Variants in SLC8A1 observed in about 807,000 individuals in gnomAD.
SLC8A1 encodes sodium/calcium exchanger 1.
SLC8A1 carries 18 observed loss-of-function variants against 68.3 expected under a neutral mutation model. The ratio of observed to expected loss-of-function variants is 0.26; its 90% CI spans 0.18 to 0.39. SLC8A1 has a LOEUF of 0.39. Ranked by LOEUF, SLC8A1 falls within the 10% of genes least tolerant of loss-of-function variation. SLC8A1 has a pLI of 1.00. For synonymous variants in SLC8A1, 475 were observed against 415.5 expected (o/e 1.14, Z -1.74); for missense variants, 985 against 1,156.7 (o/e 0.85, Z 2.15).
chr2:40,311,231 C>T (rs953648432), intron 2 of SLC8A1, among the ~76,000 whole-genome samples: 1 of 152,040 alleles, frequency 6.6e-6, no homozygotes, highest in Non-Finnish European at 1.5e-5. Context: ...CACTAAAAAA[C>T]ACTTGGTGTT....
rs1697557036 is a variant in SLC8A1 at position 40,428,758 on chromosome 2, C to A, written c.1523G>T (p.Gly508Val). 5 of 1,613,664 alleles carry A rather than the reference C, an allele frequency of 3.1e-6. No individual in the cohort carries two copies. In the South Asian group the frequency reaches 3.3e-5, roughly 11 times the overall value. The change falls in exon 2 of 8, where the codon GGC (glycine) becomes GTC (valine). Residue 508 changes from glycine (G) to valine (V), a missense_variant. Around this residue, in one of 5 missense-constraint regions of SLC8A1, gnomAD observed 584 missense variants for 565.9 expected, o/e 1.03. Transcript: ENST00000406785. ...AGAAACATGATTGGCTTCCAGTATGCCATCTTCTGAAGCTTCAGAAGATAC... is the reference window on the plus strand; with the variant it reads ...AGAAACATGATTGGCTTCCAGTATGACATCTTCTGAAGCTTCAGAAGATAC...
intron 1 of SLC8A1, among the ~76,000 whole-genome samples, chr2:40,484,438 G>C (rs1170296278): frequency 6.6e-6 from 1 of 152,164 alleles, no homozygotes; most frequent in Admixed American, 6.5e-5. Flanking sequence ...CTCTTCTCAG[G>C]GATGCTGTGA....
chr2:40,387,660 A>G (rs2149583769), intron 2 of SLC8A1, among the ~76,000 whole-genome samples: 1 of 151,480 alleles, frequency 6.6e-6, no homozygotes, highest in Middle Eastern at 3.4e-3. Context: ...CTTAAGAATT[A>G]GTTGTGGTGG....
In SLC8A1 at chr2:40,168,060, A is replaced by AT. The variant is rs140251149; in HGVS notation, c.1931-3077dup. Reference sequence around the variant, plus strand: ...TTGCTCAACCCATACAAAACGGATCATTTTTTCATTGAGCACATCTCATTG... The same window carrying AT: ...TTGCTCAACCCATACAAAACGGATCATTTTTTTCATTGAGCACATCTCATTG... On this transcript the variant is annotated intron_variant, in intron 4 of 7. Coordinates refer to ENST00000406785, the Ensembl canonical transcript of SLC8A1. 1.8e-3 allele frequency among the ~76,000 whole-genome samples: 274 copies of AT among 152,136 alleles called. 1 individual carries two copies. The highest frequency in any genetic ancestry group is 6.2e-3 in the African/African-American group (259 of 41,512).
At chr2:40,430,441 G>T (rs1427724026) in intron 1 of SLC8A1, 137 bp from the exon 2 acceptor site, 2 of 811,972 alleles carry the variant, frequency 2.5e-6, no homozygotes, top group Non-Finnish European at 3.7e-6. Flanking sequence ...ACCGAAATTT[G>T]TTTATATTTG....
intron 2 of SLC8A1, among the ~76,000 whole-genome samples, chr2:40,388,445 A>AG (rs1402919382): frequency 6.6e-6 from 1 of 152,152 alleles, no homozygotes; most frequent in Non-Finnish European, 1.5e-5. Context: ...AAAATACTGA[A>AG]GAGCATCTCC....
At chr2:40,434,730 C>A (rs1699059976) in intron 1 of SLC8A1, among the ~76,000 whole-genome samples, 1 of 152,078 alleles carries the variant, frequency 6.6e-6, no homozygotes, top group African/African-American at 2.4e-5. Context: ...ATCAAGAATA[C>A]CCAAATTATC....
intron 2 of SLC8A1, among the ~76,000 whole-genome samples, chr2:40,209,416 G>T (rs1022226704): frequency 6.6e-6 from 1 of 152,152 alleles, no homozygotes; most frequent in African/African-American, 2.4e-5. Context: ...GAGGAAAGGT[G>T]AGAGTTAAGA....
chr2:40,453,314 G>C (rs1487060473), upstream of SLC8A1: 1 of 152,134 alleles, frequency 6.6e-6, no homozygotes, highest in Non-Finnish European at 1.5e-5. Flanking sequence ...GGGGGGTCAG[G>C]AGCAGCTACT....
intron 2 of SLC8A1, among the ~76,000 whole-genome samples, chr2:40,316,020 C>A (rs987772816): frequency 6.6e-6 from 1 of 151,988 alleles, no homozygotes; most frequent in Non-Finnish European, 1.5e-5. Context: ...TGCATACAAG[C>A]ATCACATGCA....
rs1170546184 is a variant in SLC8A1, at chr2:40,350,748, T to A, written c.1808+77725A>T. ...AAATTATAAAAGCACAAAAACTGCC[T>A]GGCACGTCACTAATCTATGGAGTAT... is the stretch of plus-strand genomic sequence containing the variant. On this transcript the variant is annotated intron_variant, in intron 2 of 7. Transcript: ENST00000406785. Among the ~76,000 whole-genome samples the A allele has an allele frequency of 2.6e-5, 4 of 152,106 alleles. No individual in the cohort carries two copies. The East Asian group carries it at 7.7e-4, about 29-fold the overall frequency.
intron 2 of SLC8A1, among the ~76,000 whole-genome samples, chr2:40,190,939 G>C (rs1277730598): frequency 6.6e-6 from 1 of 151,954 alleles, no homozygotes; most frequent in African/African-American, 2.4e-5. Flanking sequence ...GTGTGTGGGT[G>C]TGTGTGTGTG....
At position 40,162,669 on chromosome 2, in the gene SLC8A1, G is replaced by A. The variant is rs190756365; in HGVS notation, c.2062-1805C>T. Among the ~76,000 whole-genome samples, 13 of 152,190 alleles carry A rather than the reference G, an allele frequency of 8.5e-5. No homozygotes were observed. The East Asian group carries it at 2.5e-3, about 29-fold the overall frequency. On this transcript the variant is annotated intron_variant, in intron 5 of 7. Transcript: ENST00000406785. ...CCTTCCTTGACCTATGGGAAAAATGGGAGTGAATAAAGATATAGTTCAGAC... is the reference window on the plus strand; with the variant it reads ...CCTTCCTTGACCTATGGGAAAAATGAGAGTGAATAAAGATATAGTTCAGAC...
upstream of SLC8A1, among the ~76,000 whole-genome samples, chr2:40,453,826 C>G (rs543058463): frequency 6.6e-6 from 1 of 152,310 alleles, no homozygotes; most frequent in South Asian, 2.1e-4. Context: ...CTGAGGCCGT[C>G]TGAATGAGGA....
At chr2:40,195,474 A>T (rs895017100) in intron 2 of SLC8A1, among the ~76,000 whole-genome samples, 3 of 152,052 alleles carry the variant, frequency 2.0e-5, no homozygotes, top group African/African-American at 7.2e-5. Context: ...ACTGGAGGAA[A>T]GGAATGAAGC....
At position 40,404,729 on chromosome 2, in the gene SLC8A1, G is replaced by A. The variant is rs142649277; in HGVS notation, c.1808+23744C>T. Among the ~76,000 whole-genome samples the A allele has an allele frequency of 6.1e-4, 93 of 152,256 alleles. No homozygotes were observed. In the Middle Eastern group the frequency reaches 0.01, roughly 17 times the overall value. On this transcript the variant is annotated intron_variant, in intron 2 of 7. Coordinates refer to ENST00000406785, the Ensembl canonical transcript of SLC8A1. ...GGCAGTTTCAAGTTGGCACGAGTGC[G>A]TTGCTTCCTAGCTTGAAATGCATAA...
chr2:40,460,581 ATT>A (rs11360467), intron 1 of SLC8A1, among the ~76,000 whole-genome samples: 20,170 of 142,250 alleles, frequency 0.14, 1,531 homozygotes, highest in Middle Eastern at 0.22. Flanking sequence ...GTATTTTTTA[ATT>A]TTTTTTTTTT....
chr2:40,215,154 G>A (rs1018047538), intron 2 of SLC8A1, among the ~76,000 whole-genome samples: 2 of 151,990 alleles, frequency 1.3e-5, no homozygotes, highest in Admixed American at 1.3e-4. Context: ...CTCAATATAT[G>A]CTAATTATTA....
At chr2:40,171,295 T>G (rs923095193) in intron 4 of SLC8A1, among the ~76,000 whole-genome samples, 2 of 152,220 alleles carry the variant, frequency 1.3e-5, no homozygotes, top group African/African-American at 4.8e-5. Flanking sequence ...TTAAAAAGTC[T>G]TGTGTCTTAT....
Sources: gnomAD v4.1 joint callset for allele counts (sites outside exome capture counted in the v4.1 genomes callset) on GRCh38, gnomAD v4.1.1 for gene constraint, gnomAD v4.1.1 regional missense constraint, MANE v1.5 for transcripts, NCBI Gene and HGNC (gene_info 2026-07-23, HGNC 2026-07-21) for gene names.